Variants in RAB30 observed in about 807,000 individuals in gnomAD.
RAB30 encodes RAB30, member RAS oncogene family.
RAB30 carries 9 observed loss-of-function variants against 25.1 expected under a neutral mutation model. The observed-to-expected ratio is 0.36, with a 90% confidence interval of 0.22 to 0.63. The LOEUF (loss-of-function observed/expected upper bound fraction) is 0.63, where lower values mean the gene tolerates loss of function less well. Ranked by LOEUF, RAB30 falls within the 20% of genes least tolerant of loss-of-function variation. RAB30 has a pLI of 0.69. For synonymous variants in RAB30, 77 were observed against 86.4 expected (o/e 0.89, Z 0.60); for missense variants, 140 against 243.5 (o/e 0.58, Z 2.83).
intron 1 of RAB30, among the ~76,000 whole-genome samples, chr11:83,050,382 G>A (rs10792673): frequency 0.46 from 69,446 of 152,078 alleles, 16,132 homozygotes; most frequent in Middle Eastern, 0.48. Context: ...TTCTATAAGA[G>A]CCATCATATT....
intron 1 of RAB30, among the ~76,000 whole-genome samples, chr11:83,056,018 T>C (rs1858452147): frequency 2.6e-5 from 4 of 152,252 alleles, no homozygotes; most frequent in African/African-American, 9.6e-5. Flanking sequence ...GGTGTATCTG[T>C]TTGGTTTTTT....
In RAB30 at chr11:82,982,861, C is replaced by CA. The variant is rs989958981; in HGVS notation, c.362-447dup. ...TGGGTGACAGAGTGAGACTCTGTCT[C>CA]AAAAAAAATAAATAAATAAAAAATG... On this transcript the variant is annotated intron_variant, in intron 4 of 4. Transcript: ENST00000527633. 9.5e-4 allele frequency among the ~76,000 whole-genome samples: 143 copies of CA among 151,094 alleles called. 1 individual carries two copies. Among genetic ancestry groups the CA allele is most frequent in the African/African-American group, 3.4e-3 (139 of 41,154 alleles).
chr11:83,064,473 C>T (rs111287304), intron 1 of RAB30, among the ~76,000 whole-genome samples: 3 of 152,278 alleles, frequency 2.0e-5, no homozygotes, highest in African/African-American at 4.8e-5. Context: ...CTTTTCCCTT[C>T]GATTTGGGAA....
chr11:82,997,766 C>G (rs7947703), intron 1 of RAB30, among the ~76,000 whole-genome samples: 12,982 of 152,206 alleles, frequency 0.085, 1,283 homozygotes, highest in African/African-American at 0.24. Context: ...TAGTGATGCG[C>G]AGACTGAATG....
chr11:83,056,516 A>G (rs925239205), intron 1 of RAB30, among the ~76,000 whole-genome samples: 1 of 152,196 alleles, frequency 6.6e-6, no homozygotes, highest in Non-Finnish European at 1.5e-5. Flanking sequence ...TGTTTCAACC[A>G]CCTCTATAGT....
At chr11:83,000,697 C>A (rs1857058848) in intron 1 of RAB30, among the ~76,000 whole-genome samples, 1 of 152,140 alleles carries the variant, frequency 6.6e-6, no homozygotes, top group Admixed American at 6.5e-5. Flanking sequence ...ACTTTAGAAA[C>A]AGGGCTCTTA....
intron 1 of RAB30, chr11:83,071,189 A>G (rs1858834916): frequency 6.6e-6 from 1 of 152,268 alleles, no homozygotes; most frequent in African/African-American, 2.4e-5. Flanking sequence ...CATAAAATAA[A>G]GCCCTACAAA....
At chr11:83,064,275 T>C (rs1246188008) in intron 1 of RAB30, among the ~76,000 whole-genome samples, 2 of 151,980 alleles carry the variant, frequency 1.3e-5, no homozygotes, top group Non-Finnish European at 2.9e-5. Context: ...TACAAAAATA[T>C]CTTCATATTT....
At chr11:83,018,076 G>A (rs1857478952) in intron 1 of RAB30, among the ~76,000 whole-genome samples, 1 of 152,172 alleles carries the variant, frequency 6.6e-6, no homozygotes, top group African/African-American at 2.4e-5. Flanking sequence ...CAAGGCAGGT[G>A]GATCACAAGG....
intron 1 of RAB30, among the ~76,000 whole-genome samples, chr11:83,038,163 T>TA (rs1858028028): frequency 6.6e-6 from 1 of 152,198 alleles, no homozygotes; most frequent in African/African-American, 2.4e-5. Context: ...GGTTTTAAGA[T>TA]AAAATCTTAA....
rs1334261235 is a variant in RAB30 at position 82,973,199 on chromosome 11, TA to T, written c.*8965del. 1.3e-5 allele frequency: 2 copies of T among 152,216 alleles called. No individual in the cohort carries two copies. The highest frequency in any genetic ancestry group is 4.8e-5 in the African/African-American group (2 of 41,458). 9.4% of individuals were successfully genotyped at this position (152,216 alleles called of 1,614,324 possible). A position where few individuals can be genotyped will look rare whatever the true frequency, so the allele number is the denominator to read the frequency against. On this transcript the variant is annotated 3_prime_UTR_variant, in exon 5 of 5. Transcript: ENST00000527633. ...GAAAGCAATTTCCATTTAGTTTTTT[TA>T]AAAAATTGTTACAAATAAAAAGTTT...
At position 82,973,630 on chromosome 11, in the gene RAB30, T is replaced by TTC. The variant is rs1856492347; in HGVS notation, c.*8534_*8535insGA. 1 of 152,194 alleles carries TTC rather than the reference T, an allele frequency of 6.6e-6. No individual in the cohort carries two copies. The highest frequency in any genetic ancestry group is 6.5e-5 in the Admixed American group (1 of 15,278). The allele number at this position is 152,194 out of a possible 1,614,324, so 9.4% of individuals were successfully genotyped here. ...AATTCTTATGGATGTATTGGGGAGT[T>TTC]AGTCTTTATTCAGAGGTCTCCTAAT... On this transcript the variant is annotated 3_prime_UTR_variant, in exon 5 of 5. Coordinates refer to ENST00000527633, the MANE Select transcript of RAB30 (RefSeq NM_001286060.2).
intron 1 of RAB30, among the ~76,000 whole-genome samples, chr11:83,016,431 T>G (rs1458413346): frequency 1.3e-5 from 2 of 152,170 alleles, no homozygotes; most frequent in Non-Finnish European, 2.9e-5. Flanking sequence ...TTTAAAAGGT[T>G]ATGGGAATTT....
intron 1 of RAB30, among the ~76,000 whole-genome samples, chr11:83,069,802 CTGGG>C (rs570762794): frequency 1.5e-4 from 23 of 152,318 alleles, no homozygotes; most frequent in Admixed American, 9.2e-4. Flanking sequence ...TCACATGCTG[CTGGG>C]GCTAAATTAT....
intron 1 of RAB30, among the ~76,000 whole-genome samples, chr11:83,070,896 C>A (rs1858825348): frequency 6.6e-6 from 1 of 152,190 alleles, no homozygotes; most frequent in Admixed American, 6.5e-5. Flanking sequence ...GTGACTATGC[C>A]TCAGGAAACA....
At position 83,064,248 on chromosome 11, in the gene RAB30, C is replaced by A. The variant is rs987287169; in HGVS notation, c.-9+7443G>T. On this transcript the variant is annotated intron_variant, in intron 1 of 4. Coordinates refer to ENST00000527633, the MANE Select transcript of RAB30 (RefSeq NM_001286060.2). ...TAGCTGGGACACAGGTGTGCGCCAC[C>A]ACACCCAGCTAAAAAATACAAAAAT... 3.9e-5 allele frequency among the ~76,000 whole-genome samples: 6 copies of A among 152,286 alleles called. No individual in the cohort carries two copies. In the East Asian group the frequency reaches 1.2e-3, roughly 29 times the overall value.
chr11:82,982,547 G>A, intron 4 of RAB30, 132 bp from the exon 5 acceptor site: 1 of 957,866 alleles, frequency 1.0e-6, no homozygotes, highest in Non-Finnish European at 1.5e-6. Flanking sequence ...ATGTGACTGT[G>A]ATTACTGAAA....
At position 83,069,084 on chromosome 11, in the gene RAB30, G is replaced by C. The variant is rs566706447; in HGVS notation, c.-9+2607C>G. ...GGCTATAACATCAGTAAACCAAAGA[G>C]CAAGGATCATTATCCCTTTGCAAAT... is the stretch of plus-strand genomic sequence containing the variant. On this transcript the variant is annotated intron_variant, in intron 1 of 4. Transcript: ENST00000527633. 4.6e-5 allele frequency among the ~76,000 whole-genome samples: 7 copies of C among 152,306 alleles called. No individual in the cohort carries two copies. In the South Asian group the frequency reaches 1.4e-3, roughly 32 times the overall value.
chr11:83,009,028 T>C lies in RAB30; in HGVS notation c.-8-11704A>G, dbSNP rs117061280. Among the ~76,000 whole-genome samples, 126 of 152,082 alleles carry C rather than the reference T, an allele frequency of 8.3e-4. No homozygotes were observed. The East Asian group carries it at 0.023, about 28-fold the overall frequency. ...ACAATGAACCCTGAGCTCCTTAAAG[T>C]TGAATTCAACAAGTATTTATTAAAG... On this transcript the variant is annotated intron_variant, in intron 1 of 4. Coordinates refer to ENST00000527633, the MANE Select transcript of RAB30 (RefSeq NM_001286060.2).
Sources: gnomAD v4.1 joint callset for allele counts (sites outside exome capture counted in the v4.1 genomes callset) on GRCh38, gnomAD v4.1.1 for gene constraint, MANE v1.5 for transcripts, NCBI Gene and HGNC (gene_info 2026-07-23, HGNC 2026-07-21) for gene names.